TACC1: variants seen among roughly 807,000 people sequenced by gnomAD.
The protein encoded by TACC1 is transforming acidic coiled-coil-containing protein 1.
In TACC1, 48 loss-of-function variants were observed where a neutral mutation model predicts 84.4. The observed-to-expected ratio is 0.57, with a 90% CI of 0.45 to 0.72. The LOEUF is 0.72. TACC1 is among the 30% of genes least tolerant of loss of function. TACC1 has a pLI of 0.00. For synonymous variants in TACC1, 372 were observed against 376.3 expected (o/e 0.99, Z 0.13); for missense variants, 920 against 973.0 (o/e 0.95, Z 0.72).
rs1158732172 is a variant in TACC1, at chr8:38,788,672, A to G, written c.162-32A>G. 3.3e-6 allele frequency: 5 copies of G among 1,505,150 alleles called. No homozygotes were observed. The South Asian group carries it at 4.6e-5, about 14-fold the overall frequency. 93.2% of individuals were successfully genotyped at this position (1,505,150 alleles called of 1,614,324 possible). A position where few individuals can be genotyped will look rare whatever the true frequency, so the allele number is the denominator to read the frequency against. On this transcript the variant is annotated intron_variant, in intron 1 of 12. Transcript: ENST00000317827. ...AAAGGGTGTCGGAAATACCGTTGAA[A>G]GTGGTAATTCCTCATTTTTCCTCCT... is the stretch of plus-strand genomic sequence containing the variant.
At chr8:38,741,562 T>A (rs73676499) in intron 1 of TACC1, among the ~76,000 whole-genome samples, 1,773 of 152,224 alleles carry the variant, frequency 0.012, 49 homozygotes, top group African/African-American at 0.041. Context: ...ATTCTTTCAG[T>A]CTCCTGGTTT....
At chr8:38,833,390 G>T (rs1829634746) in intron 6 of TACC1, among the ~76,000 whole-genome samples, 1 of 152,216 alleles carries the variant, frequency 6.6e-6, no homozygotes, top group African/African-American at 2.4e-5. Flanking sequence ...AATGTAAAAA[G>T]TTAAATCCTA....
At chr8:38,812,325 T>A (rs1481769825) in intron 2 of TACC1, among the ~76,000 whole-genome samples, 2 of 152,134 alleles carry the variant, frequency 1.3e-5, no homozygotes. Context: ...TTTGAAATCC[T>A]TAATAAAAAC....
chr8:38,740,598 T>C (rs1806872123), intron 1 of TACC1, among the ~76,000 whole-genome samples: 1 of 152,208 alleles, frequency 6.6e-6, no homozygotes, highest in South Asian at 2.1e-4. Context: ...ATGGAAACAT[T>C]CTAAGCTAAG....
rs141230123 is a variant in TACC1 at position 38,775,260 on chromosome 8, T to A, written c.27-13444T>A. On this transcript the variant is annotated intron_variant, in intron 3 of 14. Transcript: ENST00000518415. ...CTAGTTGTGCACTTTGGTGCCTGAGTAAACCTTCTTCCAAAAAGAATGATA... is the reference window on the plus strand; with the variant it reads ...CTAGTTGTGCACTTTGGTGCCTGAGAAAACCTTCTTCCAAAAAGAATGATA... Among the ~76,000 whole-genome samples, 9 of 152,256 alleles carry A rather than the reference T, an allele frequency of 5.9e-5. No individual in the cohort carries two copies. In the East Asian group the frequency reaches 1.7e-3, roughly 29 times the overall value.
chr8:38,781,446 A>G (rs1356741875), intron 3 of TACC1, among the ~76,000 whole-genome samples: 1 of 151,546 alleles, frequency 6.6e-6, no homozygotes, highest in Non-Finnish European at 1.5e-5. Flanking sequence ...CAGTGATGCA[A>G]TCCTGGCTCA....
At chr8:38,755,142 A>C (rs1809754273) in intron 3 of TACC1, among the ~76,000 whole-genome samples, 1 of 145,830 alleles carries the variant, frequency 6.9e-6, no homozygotes, top group Non-Finnish European at 1.5e-5. Flanking sequence ...CCTGGGCAAC[A>C]GAGCGAGACT....
chr8:38,829,926 G>A (rs929899579), intron 5 of TACC1, among the ~76,000 whole-genome samples: 11 of 152,156 alleles, frequency 7.2e-5, no homozygotes, highest in African/African-American at 2.2e-4. Flanking sequence ...TTGAAGCTGG[G>A]TCCTGATGGA....
intron 3 of TACC1, among the ~76,000 whole-genome samples, chr8:38,825,077 G>A (rs1266637982): frequency 6.6e-6 from 1 of 152,070 alleles, no homozygotes; most frequent in Non-Finnish European, 1.5e-5. Flanking sequence ...AAGCTGAGGG[G>A]GTCTTTTCAG....
In TACC1 at chr8:38,846,702, C is replaced by G. The variant is rs1832377976; in HGVS notation, c.2232C>G (p.Ala744=). 1 of 1,613,936 alleles carries G rather than the reference C, an allele frequency of 6.2e-7. No individual in the cohort carries two copies. The highest frequency in any genetic ancestry group is 8.5e-7 in the Non-Finnish European group (1 of 1,180,002). ...TACACCCAAACACCATAAACAGAGC[C>G]AATGAAGAGATTGCTCAGGTTCGAA... ...KIHAEEKLDK[A]NEEIAQVRTK... Residue 744 remains alanine (A), a synonymous_variant, in exon 12 of 13, where the codon GCC becomes GCG. Coordinates refer to ENST00000317827, the MANE Select transcript of TACC1 (RefSeq NM_006283.3).
upstream of TACC1, chr8:38,787,084 G>A: frequency 3.1e-6 from 3 of 965,956 alleles, no homozygotes; most frequent in South Asian, 1.4e-4. Flanking sequence ...GTGACGCCGC[G>A]GTAGGGGGAT....
Position 38,827,249 on chromosome 8 carries a change from A to T in TACC1, c.1534A>T (p.Thr512Ser). 6.2e-7 allele frequency: 1 copy of T among 1,614,200 alleles called. No homozygotes were observed. Among genetic ancestry groups the T allele is most frequent in the Non-Finnish European group, 8.5e-7 (1 of 1,180,032 alleles). ...HATDEEKLAS[T>S]SCGQKSAGAE... ...TACTGATGAGGAGAAACTGGCATCC[A>T]CGTCATGTGGTCAGAAATCAGCTGG... Residue 512 changes from threonine to serine, a missense_variant, in exon 5 of 13, where the codon ACG (threonine) becomes TCG (serine). This residue lies in a region of TACC1 where 762 missense variants were observed against 747.3 expected (regional missense o/e 1.02). Coordinates refer to ENST00000317827, the MANE Select transcript of TACC1 (RefSeq NM_006283.3).
chr8:38,831,201 CG>C, intron 6 of TACC1, 24 bp downstream of exon 6: 1 of 1,613,406 alleles, frequency 6.2e-7, no homozygotes, highest in Non-Finnish European at 8.5e-7. Context: ...TGTGGAGGGC[CG>C]GGTGGACTCA....
In TACC1 at chr8:38,819,588, C is replaced by G; in HGVS notation, c.344C>G (p.Ser115Cys). ...VVEKCSSKTCSKPSENEVPQQ... is the reference protein window; with the variant it reads ...VVEKCSSKTCCKPSENEVPQQ... Reference sequence around the variant, plus strand: ...GAAAAATGTTCATCTAAGACTTGTTCTAAACCTTCAGAAAATGAAGTGCCA... The same window carrying G: ...GAAAAATGTTCATCTAAGACTTGTTGTAAACCTTCAGAAAATGAAGTGCCA... Residue 115 changes from serine (S) to cysteine (C), a missense_variant, in exon 3 of 13, where the codon TCT becomes TGT. Physicochemically the swap from Ser to Cys is moderately radical, Grantham distance 112. Around this residue, in one of 2 missense-constraint regions of TACC1, gnomAD observed 762 missense variants for 747.3 expected, o/e 1.02. Transcript: ENST00000317827. The G allele has an allele frequency of 6.2e-7, 1 of 1,614,210 alleles. No homozygotes were observed. Among genetic ancestry groups the G allele is most frequent in the Non-Finnish European group, 8.5e-7 (1 of 1,180,050 alleles).
intron 3 of TACC1, among the ~76,000 whole-genome samples, chr8:38,752,987 C>A (rs576525240): frequency 9.9e-5 from 15 of 152,260 alleles, no homozygotes; most frequent in South Asian, 6.2e-4. Context: ...TTTAGAACCA[C>A]ACCAAGGGAG....
intron 2 of TACC1, chr8:38,799,548 C>T (rs748748869): frequency 2.6e-5 from 4 of 152,230 alleles, no homozygotes; most frequent in South Asian, 4.1e-4. Context: ...GAAATTCCCC[C>T]GCAAATCTGG....
At chr8:38,788,915 TA>T (rs1817977783) in intron 2 of TACC1, 96 bp downstream of exon 2, 1 of 996,854 alleles carries the variant, frequency 1.0e-6, no homozygotes, top group South Asian at 1.6e-5. Flanking sequence ...TAGGACCATT[TA>T]AGAGAGTTTG....
intron 3 of TACC1, among the ~76,000 whole-genome samples, chr8:38,749,230 TAGAA>T (rs1808593424): frequency 6.6e-6 from 1 of 152,154 alleles, no homozygotes; most frequent in Non-Finnish European, 1.5e-5. Context: ...AAAGATGAAA[TAGAA>T]AGCTTGAACA....
intron 3 of TACC1, among the ~76,000 whole-genome samples, chr8:38,780,403 C>T (rs916049655): frequency 6.6e-6 from 1 of 152,066 alleles, no homozygotes; most frequent in African/African-American, 2.4e-5. Context: ...CGCTCTGTTG[C>T]CCAGGCTGGA....
Sources: allele counts gnomAD v4.1 joint callset (sites outside exome capture counted in the v4.1 genomes callset), GRCh38; gene constraint gnomAD v4.1.1; regional missense constraint gnomAD v4.1.1; transcripts MANE v1.5; gene names NCBI Gene and HGNC (gene_info 2026-07-23, HGNC 2026-07-21).